SPATA16: variants seen among roughly 807,000 people sequenced by gnomAD.
The protein encoded by SPATA16 is spermatogenesis-associated protein 16.
In SPATA16, 36 loss-of-function variants were observed where a neutral mutation model predicts 63.3. The ratio of observed to expected loss-of-function variants is 0.57; its 90% CI spans 0.44 to 0.75. SPATA16 has a LOEUF of 0.75. Ranked by LOEUF, SPATA16 falls within the 30% of genes least tolerant of loss-of-function variation. The pLI is 0.00. For synonymous variants in SPATA16, 203 were observed against 216.7 expected (o/e 0.94, Z 0.56); for missense variants, 646 against 679.3 (o/e 0.95, Z 0.54).
chr3:173,139,038 C>A (rs756909522), intron 1 of SPATA16, among the ~76,000 whole-genome samples: 5 of 152,158 alleles, frequency 3.3e-5, no homozygotes, highest in Non-Finnish European at 7.4e-5. Flanking sequence ...ATTCTGATAT[C>A]AGTCATAGCC....
intron 3 of SPATA16, among the ~76,000 whole-genome samples, chr3:173,037,558 A>G (rs1016508313): frequency 5.3e-5 from 8 of 152,052 alleles, no homozygotes; most frequent in Admixed American, 2.0e-4. Context: ...ACATAAGAAC[A>G]TTTCTATCCA....
intron 4 of SPATA16, among the ~76,000 whole-genome samples, chr3:173,010,926 A>G (rs1230637228): frequency 6.6e-6 from 1 of 152,084 alleles, no homozygotes. Context: ...TCGAGTTCCA[A>G]AGTTGAATCA....
At chr3:173,136,764 C>A (rs756373785) in intron 1 of SPATA16, among the ~76,000 whole-genome samples, 1 of 152,146 alleles carries the variant, frequency 6.6e-6, no homozygotes, top group African/African-American at 2.4e-5. Context: ...AGACCAATGA[C>A]CGCAGGCTCA....
At chr3:173,064,762 A>T (rs1340348347) in intron 2 of SPATA16, among the ~76,000 whole-genome samples, 3 of 152,200 alleles carry the variant, frequency 2.0e-5, no homozygotes, top group Admixed American at 2.0e-4. Context: ...ATCCATTAAC[A>T]TCCCACTGGT....
At chr3:172,977,676 A>G (rs1734196622) in intron 4 of SPATA16, among the ~76,000 whole-genome samples, 1 of 152,160 alleles carries the variant, frequency 6.6e-6, no homozygotes, top group Non-Finnish European at 1.5e-5. Flanking sequence ...ATATTAATTC[A>G]TTACTTAGTA....
At chr3:173,127,808 A>C (rs970757196) in intron 1 of SPATA16, among the ~76,000 whole-genome samples, 2 of 152,222 alleles carry the variant, frequency 1.3e-5, no homozygotes, top group Non-Finnish European at 2.9e-5. Flanking sequence ...TTCCACTTGC[A>C]ACTTACATGC....
chr3:172,906,927 T>C (rs1265727107), intron 10 of SPATA16, among the ~76,000 whole-genome samples: 1 of 152,108 alleles, frequency 6.6e-6, no homozygotes, highest in African/African-American at 2.4e-5. Flanking sequence ...GTATCTTTAG[T>C]AGAGATGGGG....
At chr3:172,960,908 C>CTTTCTTT (rs1560080043) in intron 5 of SPATA16, among the ~76,000 whole-genome samples, 2 of 118,516 alleles carry the variant, frequency 1.7e-5, no homozygotes, top group African/African-American at 3.1e-5. Flanking sequence ...CTTCCTTCCT[C>CTTTCTTT]CCTCCCTCCC....
intron 5 of SPATA16, among the ~76,000 whole-genome samples, chr3:172,959,749 G>A (rs1267987549): frequency 1.4e-5 from 2 of 147,744 alleles, no homozygotes; most frequent in Non-Finnish European, 3.0e-5. Context: ...CTTTGAGCCT[G>A]TCCTACATTG....
intron 2 of SPATA16, among the ~76,000 whole-genome samples, chr3:173,090,262 C>T (rs931464659): frequency 5.3e-5 from 8 of 152,192 alleles, no homozygotes; most frequent in South Asian, 2.1e-4. Context: ...CCTCCCTCAC[C>T]CCACCCTACT....
At chr3:172,927,058 C>T (rs1015618453) in intron 6 of SPATA16, among the ~76,000 whole-genome samples, 3 of 152,144 alleles carry the variant, frequency 2.0e-5, no homozygotes, top group African/African-American at 7.2e-5. Flanking sequence ...AAATAGTACA[C>T]CACGAGTGTT....
At chr3:172,917,527 A>C (rs550498897) in intron 8 of SPATA16, among the ~76,000 whole-genome samples, 1 of 152,268 alleles carries the variant, frequency 6.6e-6, no homozygotes, top group East Asian at 1.9e-4. Flanking sequence ...TCGCTTGTGG[A>C]CTTGGCAGTT....
intron 10 of SPATA16, among the ~76,000 whole-genome samples, chr3:172,906,159 C>T (rs990654882): frequency 1.3e-5 from 2 of 151,994 alleles, no homozygotes; most frequent in Non-Finnish European, 2.9e-5. Context: ...TTTTAAGACC[C>T]CTTTTTCTAT....
At chr3:173,001,277 T>TTTG (rs1182751557) in intron 4 of SPATA16, among the ~76,000 whole-genome samples, 4 of 151,802 alleles carry the variant, frequency 2.6e-5, no homozygotes, top group East Asian at 3.9e-4. Context: ...TGTTTTTTTT[T>TTTG]TTTTGTTTTC....
intron 5 of SPATA16, among the ~76,000 whole-genome samples, chr3:172,973,917 G>A (rs1734098618): frequency 1.3e-5 from 2 of 152,138 alleles, no homozygotes; most frequent in Non-Finnish European, 2.9e-5. Context: ...TGCAAGTACA[G>A]TCATGACAAG....
intron 4 of SPATA16, among the ~76,000 whole-genome samples, chr3:172,989,625 C>T (rs981664404): frequency 6.6e-6 from 1 of 152,148 alleles, no homozygotes; most frequent in African/African-American, 2.4e-5. Context: ...TAGTTGCCAA[C>T]CTCATGGAGT....
At chr3:172,982,369 C>T (rs111751924) in intron 4 of SPATA16, among the ~76,000 whole-genome samples, 5 of 152,184 alleles carry the variant, frequency 3.3e-5, no homozygotes, top group African/African-American at 1.2e-4. Context: ...CTAATGGATG[C>T]TGATGTATTT....
At chr3:173,032,593 C>T (rs541662869) in intron 3 of SPATA16, among the ~76,000 whole-genome samples, 1 of 152,222 alleles carries the variant, frequency 6.6e-6, no homozygotes, top group South Asian at 2.1e-4. Flanking sequence ...TTCAAGCCTT[C>T]CATGTTCTTC....
At chr3:173,065,096 T>C (rs1001960927) in intron 2 of SPATA16, among the ~76,000 whole-genome samples, 1 of 152,218 alleles carries the variant, frequency 6.6e-6, no homozygotes. Flanking sequence ...AGTTATTACG[T>C]TAACAAAGTT....
Sources: allele counts gnomAD v4.1 joint callset (sites outside exome capture counted in the v4.1 genomes callset), GRCh38; gene constraint gnomAD v4.1.1; transcripts MANE v1.5; gene names NCBI Gene and HGNC (gene_info 2026-07-23, HGNC 2026-07-21).